ATP8A1: variants seen among roughly 807,000 people sequenced by gnomAD.
The protein encoded by ATP8A1 is ATPase phospholipid transporting 8A1.
A neutral mutation model predicts 177.7 loss-of-function variants in ATP8A1; 90 were observed. The ratio of observed to expected loss-of-function variants is 0.51; its 90% CI spans 0.43 to 0.60. The LOEUF (loss-of-function observed/expected upper bound fraction) is 0.60. Among genes scored for constraint, ATP8A1 ranks in the 20% least tolerant of loss-of-function variants. The pLI is 0.00. For synonymous variants in ATP8A1, 493 were observed against 485.9 expected, an observed-to-expected ratio of 1.01 and a Z score of -0.19; for missense variants, 1,072 against 1,392.8, an observed-to-expected ratio of 0.77 and a Z score of 3.67.
intron 20 of ATP8A1, among the ~76,000 whole-genome samples, chr4:42,529,641 C>A (rs1231678510): frequency 1.3e-5 from 2 of 152,168 alleles, no homozygotes; most frequent in Admixed American, 1.3e-4. Context: ...ATGGGGAGTT[C>A]CCTATGATCC....
chr4:42,614,009 T>C (rs765824229), intron 5 of ATP8A1, among the ~76,000 whole-genome samples: 1 of 152,192 alleles, frequency 6.6e-6, no homozygotes, highest in Non-Finnish European at 1.5e-5. Context: ...AATATTTCAT[T>C]TTTGAATTGA....
At chr4:42,506,789 C>T (rs1358977235) in intron 23 of ATP8A1, among the ~76,000 whole-genome samples, 9 of 152,132 alleles carry the variant, frequency 5.9e-5, no homozygotes, top group Admixed American at 5.9e-4. Flanking sequence ...AATCAAGTAT[C>T]AATACATAAA....
chr4:42,606,454 A>G (rs955280585), intron 5 of ATP8A1, among the ~76,000 whole-genome samples: 2 of 152,248 alleles, frequency 1.3e-5, no homozygotes, highest in African/African-American at 4.8e-5. Context: ...CAAACTGTGT[A>G]GCCAGTAAAA....
At chr4:42,539,774 T>C (rs1728203350) in intron 20 of ATP8A1, among the ~76,000 whole-genome samples, 3 of 152,042 alleles carry the variant, frequency 2.0e-5, no homozygotes, top group Admixed American at 6.6e-5. Context: ...CCCTTATCTC[T>C]TGCCATATAC....
chr4:42,502,724 G>A (rs1294117941), intron 24 of ATP8A1, among the ~76,000 whole-genome samples: 1 of 152,144 alleles, frequency 6.6e-6, no homozygotes, highest in African/African-American at 2.4e-5. Context: ...TGGCCTCTCA[G>A]CTTCGTCAAC....
chr4:42,586,621 T>G, intron 8 of ATP8A1, 145 bp from the exon 9 acceptor site: 1 of 823,914 alleles, frequency 1.2e-6, no homozygotes, highest in Non-Finnish European at 1.8e-6. Context: ...TGTCAAATCA[T>G]AATTAAGAGA....
chr4:42,527,552 G>A (rs1481445067), intron 20 of ATP8A1, among the ~76,000 whole-genome samples: 1 of 152,130 alleles, frequency 6.6e-6, no homozygotes, highest in East Asian at 1.9e-4. Flanking sequence ...CTCCCCTGAA[G>A]CAGTTGCCAG....
At chr4:42,539,329 G>T (rs1053324166) in intron 20 of ATP8A1, among the ~76,000 whole-genome samples, 14 of 151,690 alleles carry the variant, frequency 9.2e-5, no homozygotes, top group African/African-American at 3.4e-4. Context: ...TTGGGTGATG[G>T]CTGCATGGAA....
At chr4:42,527,919 C>T (rs1169202890) in intron 20 of ATP8A1, among the ~76,000 whole-genome samples, 2 of 152,064 alleles carry the variant, frequency 1.3e-5, no homozygotes, top group Non-Finnish European at 2.9e-5. Flanking sequence ...TGCTGTTAAT[C>T]CTTCTCCCAT....
At chr4:42,603,029 T>C (rs1332377504) in intron 5 of ATP8A1, among the ~76,000 whole-genome samples, 1 of 152,066 alleles carries the variant, frequency 6.6e-6, no homozygotes, top group African/African-American at 2.4e-5. Context: ...TATCTCATAT[T>C]AGTAATTATC....
chr4:42,432,511 T>C (rs554413209), intron 33 of ATP8A1, among the ~76,000 whole-genome samples: 4 of 152,198 alleles, frequency 2.6e-5, no homozygotes, highest in African/African-American at 7.2e-5. Context: ...TGAAATACCA[T>C]GGTGGGACAC....
At chr4:42,626,647 A>G (rs1036659576) in intron 2 of ATP8A1, 1 of 261,956 alleles carries the variant, frequency 3.8e-6, no homozygotes, top group Non-Finnish European at 7.4e-6. Context: ...GCAGAATTGC[A>G]AAGACCTCTT....
intron 13 of ATP8A1, among the ~76,000 whole-genome samples, chr4:42,575,213 CAT>C (rs1214571817): frequency 2.0e-5 from 3 of 152,200 alleles, no homozygotes; most frequent in Non-Finnish European, 2.9e-5. Context: ...CAAATATACA[CAT>C]ATGTGAATAT....
At chr4:42,446,094 AAAAAAGAG>A (rs1310536019) in intron 31 of ATP8A1, among the ~76,000 whole-genome samples, 4 of 148,310 alleles carry the variant, frequency 2.7e-5, no homozygotes, top group Admixed American at 2.0e-4. Flanking sequence ...AAAAAAAAAA[AAAAAAGAG>A]AAGAGATATA....
intron 25 of ATP8A1, among the ~76,000 whole-genome samples, chr4:42,473,949 C>A (rs1490447858): frequency 6.6e-6 from 1 of 151,952 alleles, no homozygotes; most frequent in Non-Finnish European, 1.5e-5. Context: ...CCATCATGCA[C>A]AGCCCAGAGC....
At chr4:42,555,739 GCTT>G (rs1730156442) in intron 16 of ATP8A1, among the ~76,000 whole-genome samples, 2 of 152,082 alleles carry the variant, frequency 1.3e-5, no homozygotes, top group Non-Finnish European at 2.9e-5. Context: ...AGGAGAAATG[GCTT>G]GATTCTGGGA....
intron 35 of ATP8A1, chr4:42,415,079 AACTG>A (rs1274976743): frequency 6.0e-6 from 1 of 167,068 alleles, no homozygotes; most frequent in African/African-American, 2.4e-5. Context: ...CACTTTTAAA[AACTG>A]ACTACATATA....
intron 24 of ATP8A1, among the ~76,000 whole-genome samples, chr4:42,486,597 T>C (rs1211083550): frequency 1.3e-5 from 2 of 152,180 alleles, no homozygotes; most frequent in Admixed American, 1.3e-4. Context: ...TTGTTAAAAA[T>C]CGTGTTAATT....
rs201934330 is a variant in ATP8A1, at chr4:42,455,422, A to G, written c.2695-3T>C. ...AAAGGAGGCATTGCTGTAAACATCTAAAGCGCACAAACTGGTCATTATGTC... is the reference window on the plus strand; with the variant it reads ...AAAGGAGGCATTGCTGTAAACATCTGAAGCGCACAAACTGGTCATTATGTC... On this transcript the variant is annotated splice_region_variant and splice_polypyrimidine_tract_variant and intron_variant, in intron 28 of 36. Transcript: ENST00000381668. 3 of 1,613,882 alleles carry G rather than the reference A, an allele frequency of 1.9e-6. No individual in the cohort carries two copies. The highest frequency in any genetic ancestry group is 2.2e-5 in the East Asian group (1 of 44,876).
Sources: gnomAD v4.1 joint callset for allele counts (sites outside exome capture counted in the v4.1 genomes callset) on GRCh38, gnomAD v4.1.1 for gene constraint, MANE v1.5 for transcripts, NCBI Gene and HGNC (gene_info 2026-07-23, HGNC 2026-07-21) for gene names.